The following RBM22 variants were observed in gnomAD, a reference collection of about 807,000 sequenced individuals.
RBM22 encodes RNA binding motif protein 22, also known as pre-mRNA-splicing factor RBM22.
RBM22 carries 1 observed loss-of-function variant against 50.1 expected under a neutral mutation model. That is an observed-to-expected ratio of 0.02 (90% CI 0.01 to 0.09). RBM22 has a LOEUF of 0.09. RBM22 is among the 10% of genes least tolerant of loss of function. The pLI is 1.00. For synonymous variants in RBM22, 152 were observed against 179.0 expected (o/e 0.85, Z 1.20); for missense variants, 264 against 529.3 (o/e 0.50, Z 4.92).
chr5:150,695,393 G>C (rs1389822848), intron 7 of RBM22, 113 bp downstream of exon 7: 1 of 925,430 alleles, frequency 1.1e-6, no homozygotes, highest in Non-Finnish European at 1.6e-6. Flanking sequence ...TAACAATAGA[G>C]AGACTACAGA....
At chr5:150,695,827 A>G (rs1377373412) in intron 6 of RBM22, 121 bp from the exon 7 acceptor site, 1 of 776,984 alleles carries the variant, frequency 1.3e-6, no homozygotes, top group Non-Finnish European at 2.0e-6. Context: ...TTTGAACTAG[A>G]AACTATGGTT....
In RBM22 at chr5:150,698,487, G is replaced by A; in HGVS notation, c.271+12C>T. 8 of 1,613,298 alleles carry A rather than the reference G, an allele frequency of 5.0e-6. No individual in the cohort carries two copies. Among genetic ancestry groups the A allele is most frequent in the Non-Finnish European group, 6.8e-6 (8 of 1,179,634 alleles). ...TGCACACTTTCAGATTTATTGGACAGGTCAAACATACCATACTCTAGGTCT... is the reference window on the plus strand; with the variant it reads ...TGCACACTTTCAGATTTATTGGACAAGTCAAACATACCATACTCTAGGTCT... On this transcript the variant is annotated intron_variant, in intron 4 of 10. Transcript: ENST00000199814.
intron 3 of RBM22, 113 bp from the exon 4 acceptor site, chr5:150,698,744 A>G (rs1759308067): frequency 3.0e-6 from 4 of 1,335,824 alleles, no homozygotes; most frequent in Non-Finnish European, 4.0e-6. Flanking sequence ...GATTTAGAAG[A>G]GACCTTAGCA....
In RBM22 at chr5:150,691,846, G is replaced by A; in HGVS notation, c.1168C>T (p.Pro390Ser). The A allele has an allele frequency of 1.9e-6, 3 of 1,600,162 alleles. No homozygotes were observed. Among genetic ancestry groups the A allele is most frequent in the East Asian group, 4.5e-5 (2 of 44,320 alleles). The change falls in exon 11 of 11, where the codon CCC (proline) becomes TCC (serine). Residue 390 changes from proline to serine, a missense_variant. Coordinates refer to ENST00000199814, the MANE Select transcript of RBM22 (RefSeq NM_018047.3). ...GPHMFHPMGP[P>S]PPFMRAPGPI... ...CCTGGAGCCCGCATGAAAGGAGGGG[G>A]TGGTCCCATTGGGTGGAACATGTGT...
chr5:150,692,022 T>G (rs1759215895), intron 10 of RBM22, 141 bp from the exon 11 acceptor site: 1 of 963,280 alleles, frequency 1.0e-6, no homozygotes, highest in African/African-American at 1.7e-5. Context: ...GTTCACAAAC[T>G]TACTTCCACT....
intron 2 of RBM22, 31 bp downstream of exon 2, chr5:150,700,413 T>G (rs779170279): frequency 3.2e-6 from 5 of 1,581,376 alleles, no homozygotes; most frequent in Admixed American, 1.7e-5. Flanking sequence ...CGACAGGACA[T>G]GAATAACTCG....
intron 2 of RBM22, among the ~76,000 whole-genome samples, 188 bp downstream of exon 2, chr5:150,700,256 C>T (rs1325234201): frequency 6.6e-6 from 1 of 152,198 alleles, no homozygotes; most frequent in Non-Finnish European, 1.5e-5. Flanking sequence ...CGTTATTACC[C>T]CTACATTACA....
intron 7 of RBM22, 83 bp from the exon 8 acceptor site, chr5:150,694,323 T>A: frequency 1.3e-6 from 2 of 1,503,114 alleles, no homozygotes; most frequent in Non-Finnish European, 1.8e-6. Flanking sequence ...TAACTTTCAC[T>A]GACACACCAC....
At chr5:150,698,218 AATT>A (rs1581548175) in intron 4 of RBM22, among the ~76,000 whole-genome samples, 1 of 152,222 alleles carries the variant, frequency 6.6e-6, no homozygotes, top group African/African-American at 2.4e-5. Context: ...AAGGCAAATA[AATT>A]ATCTATCATA....
intron 2 of RBM22, 121 bp downstream of exon 2, chr5:150,700,323 G>T: frequency 1.0e-6 from 1 of 962,082 alleles, no homozygotes; most frequent in Non-Finnish European, 1.6e-6. Flanking sequence ...AAGTCGTCCA[G>T]CACTTCGCGT....
intron 4 of RBM22, chr5:150,697,653 T>A (rs1759294306): frequency 1.7e-5 from 4 of 235,088 alleles, no homozygotes; most frequent in South Asian, 1.7e-4. Flanking sequence ...ATATAAATAA[T>A]ATTACATAAA....
chr5:150,693,554 GT>G (rs1274760650), intron 8 of RBM22, among the ~76,000 whole-genome samples: 1 of 152,222 alleles, frequency 6.6e-6, no homozygotes, highest in East Asian at 1.9e-4. Context: ...GTTTAGCACA[GT>G]GCTTACCACA....
rs34249089 is a variant in RBM22 at position 150,691,844 on chromosome 5, G to C, written c.1170C>G (p.Pro390=). The C allele has an allele frequency of 2.5e-3, 3,937 of 1,599,926 alleles. 26 individuals are homozygous for C. The Middle Eastern group carries it at 0.029, about 12-fold the overall frequency. The stretch of plus-strand genomic sequence containing the variant: ...GTCCTGGAGCCCGCATGAAAGGAGG[G>C]GGTGGTCCCATTGGGTGGAACATGT... ...GPHMFHPMGP[P]PPFMRAPGPI... is the part of the protein sequence containing the mutation. The change falls in exon 11 of 11, where the codon CCC becomes CCG. Residue 390 remains proline (P), a synonymous_variant. Transcript: ENST00000199814.
rs1321806302 is a variant in RBM22, at chr5:150,695,570, C to G, written c.682G>C (p.Asp228His). ...STMPRLDPPEDKTITTLYVGG... is the reference protein window; with the variant it reads ...STMPRLDPPEHKTITTLYVGG... ...ACATATAGTGTGGTGATAGTTTTAT[C>G]CTCTGGTGGGTCCAGCCGAGGCATT... The change falls in exon 7 of 11, where the codon GAT becomes CAT. Residue 228 changes from aspartate to histidine, a missense_variant. This residue lies in a region of RBM22 where 62 missense variants were observed against 102.6 expected (regional missense o/e 0.60). Coordinates refer to ENST00000199814, the MANE Select transcript of RBM22 (RefSeq NM_018047.3). 1 of 1,613,886 alleles carries G rather than the reference C, an allele frequency of 6.2e-7. No individual in the cohort carries two copies.
intron 4 of RBM22, among the ~76,000 whole-genome samples, chr5:150,697,460 T>C (rs1390856221): frequency 6.6e-6 from 1 of 152,126 alleles, no homozygotes. Context: ...AATTTTTAGA[T>C]GAACAAACTG....
At chr5:150,698,672 G>A in intron 3 of RBM22, 41 bp from the exon 4 acceptor site, 2 of 1,605,354 alleles carry the variant, frequency 1.2e-6, no homozygotes, top group Non-Finnish European at 1.7e-6. Flanking sequence ...CAATGGTCCT[G>A]ATCTGGGCAA....
chr5:150,695,498 C>T lies in RBM22; in HGVS notation c.746+8G>A, dbSNP rs775709789. The T allele has an allele frequency of 1.2e-6, 2 of 1,605,644 alleles. No individual in the cohort carries two copies. On this transcript the variant is annotated splice_region_variant and intron_variant, in intron 7 of 10. Transcript: ENST00000199814. ...GCAAAAATAACTCTCTAACTTATAC[C>T]CACAAACCTTAAATCTGTCTCAGTA...
chr5:150,699,966 T>C lies in RBM22; in HGVS notation c.108+478A>G, dbSNP rs550676355. Reference sequence around the variant, plus strand: ...ACACAATAATACAGCCCTAACCTTATTATTGTTAACTGGTTCTAATTTTAC... The same window carrying C: ...ACACAATAATACAGCCCTAACCTTACTATTGTTAACTGGTTCTAATTTTAC... On this transcript the variant is annotated intron_variant, in intron 2 of 10. Transcript: ENST00000199814. 3.3e-5 allele frequency among the ~76,000 whole-genome samples: 5 copies of C among 152,332 alleles called. No individual in the cohort carries two copies. In the South Asian group the frequency reaches 1.0e-3, roughly 32 times the overall value.
chr5:150,696,821 T>C lies in RBM22; in HGVS notation c.342A>G (p.Lys114=), dbSNP rs1190808968. ...KDDMPKSDVN[K]EYYTQNMERE... ...TCTCCATATTCTGTGTATAGTACTC[T>C]TTGTTGACATCTGACTTTGGCATGT... The change falls in exon 5 of 11, where the codon AAA becomes AAG. Residue 114 remains lysine (K), a synonymous_variant. Transcript: ENST00000199814. The surrounding 1 kb of genome is among the most constrained non-coding windows in gnomAD (Gnocchi z 4.3). 2 of 1,614,248 alleles carry C rather than the reference T, an allele frequency of 1.2e-6. No individual in the cohort carries two copies. Among genetic ancestry groups the C allele is most frequent in the Non-Finnish European group, 1.7e-6 (2 of 1,180,044 alleles).
Sources: allele counts gnomAD v4.1 joint callset (sites outside exome capture counted in the v4.1 genomes callset), GRCh38; gene constraint gnomAD v4.1.1; regional missense constraint gnomAD v4.1.1; non-coding constraint Gnocchi (gnomAD v3.1); transcripts MANE v1.5; gene names NCBI Gene and HGNC (gene_info 2026-07-23, HGNC 2026-07-21).